The following DMD variants were observed in gnomAD, a reference collection of about 807,000 sequenced individuals.
DMD encodes the protein dystrophin, also known as mutant dystrophin.
A neutral mutation model predicts 330.1 loss-of-function variants in DMD; 63 were observed. The observed-to-expected ratio is 0.19, with a 90% CI of 0.16 to 0.24. DMD has a LOEUF of 0.24. DMD is among the 10% of genes least tolerant of loss of function. DMD has a pLI of 1.00. For missense variants in DMD, 3,344 were observed against 2,684.1 expected (o/e 1.25, Z -5.43); for synonymous variants, 1,223 against 959.8 (o/e 1.27, Z -5.07).
At chrX:32,875,650 T>G (rs772694859) in intron 2 of DMD, among the ~76,000 whole-genome samples, 1 of 112,408 alleles carries the variant, frequency 8.9e-6, no homozygotes, top group Admixed American at 9.4e-5. Flanking sequence ...CTGAAATTGT[T>G]ACTTTAAAAT....
chrX:33,309,197 G>C (rs953769956), intron 1 of DMD, among the ~76,000 whole-genome samples: 23 of 111,102 alleles, frequency 2.1e-4, no homozygotes, highest in African/African-American at 7.2e-4. Context: ...CATAATTCAC[G>C]GTGTTAAATA....
At chrX:33,032,394 G>T (rs1249086551) in intron 1 of DMD, among the ~76,000 whole-genome samples, 1 of 111,804 alleles carries the variant, frequency 8.9e-6, no homozygotes, top group East Asian at 2.8e-4. Flanking sequence ...GTTTTTTACA[G>T]AGCATTAGCC....
At position 33,165,022 on chromosome X, in the gene DMD, T is replaced by C. The variant is rs370684519; in HGVS notation, c.31+46260A>G. On this transcript the variant is annotated intron_variant, in intron 1 of 78. Coordinates refer to ENST00000357033, the MANE Select transcript of DMD (RefSeq NM_004006.3). ...TGATATTAGGACATTTCTAGAAGTG[T>C]TTACTTGAATCTACAGATTTTGAGC... Among the ~76,000 whole-genome samples, 56 of 110,180 alleles carry C rather than the reference T, an allele frequency of 5.1e-4. 1 individual carries two copies. In the South Asian group the frequency reaches 5.4e-3, roughly 11 times the overall value.
At chrX:31,670,467 T>C (rs2148683193) in intron 53 of DMD, among the ~76,000 whole-genome samples, 1 of 111,863 alleles carries the variant, frequency 8.9e-6, no homozygotes, top group African/African-American at 3.2e-5. Flanking sequence ...TCTTCTGTAT[T>C]CGTTTCCTCG....
chrX:33,013,355 C>T (rs1046070151), intron 2 of DMD, among the ~76,000 whole-genome samples: 2 of 111,308 alleles, frequency 1.8e-5, no homozygotes, highest in Non-Finnish European at 3.8e-5. Flanking sequence ...ATTTCTGAAA[C>T]GAGGATTTCC....
At chrX:33,219,306 T>TGTGTGTG (rs2052117939) in intron 1 of DMD, among the ~76,000 whole-genome samples, 2 of 72,976 alleles carry the variant, frequency 2.7e-5, no homozygotes, top group Non-Finnish European at 5.6e-5. Flanking sequence ...TTAGAGATTA[T>TGTGTGTG]TGTGTGTGTG....
chrX:31,769,250 T>C (rs1028178116), intron 51 of DMD, among the ~76,000 whole-genome samples: 2 of 112,186 alleles, frequency 1.8e-5, no homozygotes, highest in African/African-American at 6.5e-5. Context: ...AGTCATAAAA[T>C]GTCTCATTGC....
intron 44 of DMD, among the ~76,000 whole-genome samples, chrX:32,193,882 C>T (rs1424640717): frequency 9.0e-6 from 1 of 111,444 alleles, no homozygotes; most frequent in Non-Finnish European, 1.9e-5. Context: ...AGCAACATAC[C>T]CACATCATTG....
intron 1 of DMD, among the ~76,000 whole-genome samples, chrX:33,113,759 CT>C (rs1347688111): frequency 1.2e-3 from 130 of 110,199 alleles, no homozygotes; most frequent in South Asian, 3.0e-3. Context: ...GATTCATGGA[CT>C]TTTTTTTTCC....
intron 63 of DMD, among the ~76,000 whole-genome samples, chrX:31,224,641 T>C (rs56263597): frequency 0.13 from 14,091 of 105,260 alleles, 771 homozygotes; most frequent in African/African-American, 0.22. Context: ...TTTTCCTGGA[T>C]ATTTGCACAG....
chrX:31,447,868 G>A (rs1437374584), intron 59 of DMD, among the ~76,000 whole-genome samples: 2 of 108,442 alleles, frequency 1.8e-5, no homozygotes, highest in East Asian at 2.9e-4. Context: ...TTATTCGGGC[G>A]TGGTGGCACA....
At chrX:32,230,393 C>T (rs1272813654) in intron 43 of DMD, among the ~76,000 whole-genome samples, 2 of 111,241 alleles carry the variant, frequency 1.8e-5, no homozygotes, top group African/African-American at 3.3e-5. Flanking sequence ...TACAGGCGCC[C>T]GCCACCACGC....
At chrX:32,503,631 C>G (rs897571762) in intron 18 of DMD, among the ~76,000 whole-genome samples, 2 of 111,389 alleles carry the variant, frequency 1.8e-5, no homozygotes, top group African/African-American at 6.5e-5. Flanking sequence ...TCTCAGCTCA[C>G]TGCAACCTCT....
intron 62 of DMD, among the ~76,000 whole-genome samples, chrX:31,303,769 C>T (rs928837836): frequency 2.7e-5 from 3 of 111,588 alleles, no homozygotes; most frequent in African/African-American, 9.8e-5. Flanking sequence ...CCTTTTAATC[C>T]CTTGTATTGA....
At chrX:32,877,437 A>AT (rs769719415) in intron 2 of DMD, among the ~76,000 whole-genome samples, 23 of 112,453 alleles carry the variant, frequency 2.0e-4, no homozygotes, top group African/African-American at 7.1e-4. Context: ...ATTAGAAAAT[A>AT]TTTTTTCTTT....
intron 63 of DMD, among the ~76,000 whole-genome samples, chrX:31,254,032 A>C (rs1296559544): frequency 8.9e-6 from 1 of 112,293 alleles, no homozygotes; most frequent in Non-Finnish European, 1.9e-5. Context: ...AAGAAAAGGA[A>C]AACCAGTACC....
intron 44 of DMD, among the ~76,000 whole-genome samples, chrX:31,989,503 A>G (rs1311928403): frequency 9.0e-6 from 1 of 111,672 alleles, no homozygotes; most frequent in Non-Finnish European, 1.9e-5. Context: ...AGAAAGCTCA[A>G]ATGAATCTAT....
At chrX:32,756,016 C>G (rs1337514914) in intron 7 of DMD, 2 of 112,489 alleles carry the variant, frequency 1.8e-5, no homozygotes, top group East Asian at 5.6e-4. Flanking sequence ...TACAGAAAGT[C>G]TATTCAATAA....
chrX:32,520,864 T>C (rs73207768), intron 17 of DMD, among the ~76,000 whole-genome samples: 1,141 of 97,696 alleles, frequency 0.012, 12 homozygotes, highest in East Asian at 0.088. Flanking sequence ...TTTTTTTTTT[T>C]CCCAAGTTGG....
Sources: allele counts gnomAD v4.1 joint callset (sites outside exome capture counted in the v4.1 genomes callset), GRCh38; gene constraint gnomAD v4.1.1; transcripts MANE v1.5; gene names NCBI Gene and HGNC (gene_info 2026-07-23, HGNC 2026-07-21).